PDZRN4: variants seen among roughly 807,000 people sequenced by gnomAD.
The protein encoded by PDZRN4 is PDZ domain containing ring finger 4.
A neutral mutation model predicts 99.0 loss-of-function variants in PDZRN4; 70 were observed. That is an observed-to-expected ratio of 0.71 (90% confidence interval 0.58 to 0.86). PDZRN4 has a LOEUF of 0.86. Ranked by LOEUF, PDZRN4 falls within the 40% of genes least tolerant of loss-of-function variation. The pLI is 0.00. For synonymous variants in PDZRN4, 551 were observed against 501.6 expected (o/e 1.10, Z -1.32); for missense variants, 1,474 against 1,331.2 (o/e 1.11, Z -1.67).
chr12:41,201,469 T>C (rs1051289971), intron 3 of PDZRN4, among the ~76,000 whole-genome samples: 16 of 152,224 alleles, frequency 1.1e-4, no homozygotes, highest in African/African-American at 3.8e-4. Context: ...AACAAATGTA[T>C]GGGTTTCTCA....
At chr12:41,372,584 AG>A (rs1952049680) in intron 3 of PDZRN4, among the ~76,000 whole-genome samples, 8 of 152,294 alleles carry the variant, frequency 5.3e-5, no homozygotes, top group Admixed American at 5.2e-4. Flanking sequence ...GGTATACCAG[AG>A]GTATAAACTT....
At chr12:41,438,098 T>C (rs1952646445) in intron 3 of PDZRN4, 6 of 1,521,470 alleles carry the variant, frequency 3.9e-6, no homozygotes, top group African/African-American at 2.7e-5. Context: ...GCTAGCTTTA[T>C]TTTTTCTTTC....
rs182124978 is a variant in PDZRN4 at position 41,379,126 on chromosome 12, G to A, written c.844-127330G>A. Among the ~76,000 whole-genome samples, 971 of 151,652 alleles carry A rather than the reference G, an allele frequency of 6.4e-3. 9 individuals are homozygous for A. The highest frequency in any genetic ancestry group is 0.03 in the South Asian group (145 of 4,804). ...TTCCAGGAATTTATTCATTTTTTAGGTTGTCTAATTTGTTGATATATGTTC... is the reference window on the plus strand; with the variant it reads ...TTCCAGGAATTTATTCATTTTTTAGATTGTCTAATTTGTTGATATATGTTC... On this transcript the variant is annotated intron_variant, in intron 3 of 9. Transcript: ENST00000402685.
chr12:41,219,380 T>C (rs1950939646), intron 3 of PDZRN4, among the ~76,000 whole-genome samples: 1 of 152,086 alleles, frequency 6.6e-6, no homozygotes, highest in African/African-American at 2.4e-5. Flanking sequence ...AAACTTCAGA[T>C]TATATTTACT....
rs368281810 is a variant in PDZRN4 at position 41,533,686 on chromosome 12, A to T, written c.1204-18970A>T. The stretch of plus-strand genomic sequence containing the variant: ...AAGCTTCTAATTACAGGTGTTTCCT[A>T]CGCATTTTTTGTATAGCTGGATTAT... On this transcript the variant is annotated intron_variant, in intron 5 of 9. Coordinates refer to ENST00000402685, the MANE Select transcript of PDZRN4 (RefSeq NM_001164595.2). 3.3e-5 allele frequency among the ~76,000 whole-genome samples: 5 copies of T among 152,258 alleles called. No individual in the cohort carries two copies. The South Asian group carries it at 1.0e-3, about 32-fold the overall frequency.
In PDZRN4 at chr12:41,573,543, C is replaced by T. The variant is rs764498525; in HGVS notation, c.2764C>T (p.Arg922Trp). 2.7e-5 allele frequency: 43 copies of T among 1,613,740 alleles called. No individual in the cohort carries two copies. Among genetic ancestry groups the T allele is most frequent in the African/African-American group, 4.0e-5 (3 of 74,834 alleles). Residue 922 changes from arginine to tryptophan, a missense_variant, in exon 10 of 10, where the codon CGG (arginine) becomes TGG (tryptophan). Coordinates refer to ENST00000402685, the MANE Select transcript of PDZRN4 (RefSeq NM_001164595.2). ...KERALKIKEE[R>W]SGMTTDDDTM... ...ACGTGCCTTAAAGATCAAGGAAGAG[C>T]GGAGTGGCATGACCACAGACGATGA...
rs75616462 is a variant in PDZRN4, at chr12:41,202,099, T to C, written c.843+7911T>C. ...ATTGATTGCAGAGGAACTAAAAAGA[T>C]GGAAGATATTTTCAATGTTTCCAAG... On this transcript the variant is annotated intron_variant, in intron 3 of 9. Coordinates refer to ENST00000402685, the MANE Select transcript of PDZRN4 (RefSeq NM_001164595.2). Among the ~76,000 whole-genome samples, 1,019 of 152,230 alleles carry C rather than the reference T, an allele frequency of 6.7e-3. 12 individuals are homozygous for C. Among genetic ancestry groups the C allele is most frequent in the Non-Finnish European group, 8.5e-3 (577 of 67,990 alleles).
At chr12:41,465,675 A>G (rs1425302502) in intron 3 of PDZRN4, among the ~76,000 whole-genome samples, 1 of 152,052 alleles carries the variant, frequency 6.6e-6, no homozygotes, top group Non-Finnish European at 1.5e-5. Context: ...GTCTTGTGTT[A>G]TATCTGGACA....
chr12:41,453,104 T>A (rs1335731582), intron 3 of PDZRN4, among the ~76,000 whole-genome samples: 2 of 152,176 alleles, frequency 1.3e-5, no homozygotes, highest in Non-Finnish European at 2.9e-5. Flanking sequence ...CATGCCATTA[T>A]CCCTGGAGGA....
At position 41,430,859 on chromosome 12, in the gene PDZRN4, T is replaced by C. The variant is rs192032265; in HGVS notation, c.844-75597T>C. ...AGTTGTGCAGGCTGTACAGGAAGCA[T>C]AGAGGCTTCTGCTTCTGTGGAGGCT... On this transcript the variant is annotated intron_variant, in intron 3 of 9. Coordinates refer to ENST00000402685, the MANE Select transcript of PDZRN4 (RefSeq NM_001164595.2). 7.9e-5 allele frequency among the ~76,000 whole-genome samples: 12 copies of C among 152,266 alleles called. No individual in the cohort carries two copies. The East Asian group carries it at 2.3e-3, about 29-fold the overall frequency.
At chr12:41,549,237 G>T (rs773486783) in intron 5 of PDZRN4, among the ~76,000 whole-genome samples, 2 of 152,158 alleles carry the variant, frequency 1.3e-5, no homozygotes, top group Non-Finnish European at 2.9e-5. Context: ...AGAGGGAAAG[G>T]TATGAAAGTT....
intron 5 of PDZRN4, among the ~76,000 whole-genome samples, chr12:41,520,046 T>G (rs1281297119): frequency 6.6e-6 from 1 of 152,104 alleles, no homozygotes; most frequent in Non-Finnish European, 1.5e-5. Flanking sequence ...GGTTTTTTGT[T>G]TTTGTTCTTG....
intron 3 of PDZRN4, among the ~76,000 whole-genome samples, chr12:41,260,001 C>T (rs1208250391): frequency 1.3e-5 from 2 of 152,066 alleles, no homozygotes; most frequent in African/African-American, 4.8e-5. Flanking sequence ...TTTTAGAATA[C>T]TGTTGGCAAA....
chr12:41,411,386 C>T (rs1183268018), intron 3 of PDZRN4: 1 of 152,140 alleles, frequency 6.6e-6, no homozygotes, highest in Non-Finnish European at 1.5e-5. Context: ...CCATGTGCCA[C>T]CTTAGAGACA....
intron 3 of PDZRN4, among the ~76,000 whole-genome samples, chr12:41,396,135 G>A (rs1270602509): frequency 1.3e-5 from 2 of 152,004 alleles, no homozygotes; most frequent in African/African-American, 4.8e-5. Context: ...CCTTAATTAG[G>A]TCATCACATT....
chr12:41,205,463 C>G (rs566720215), intron 3 of PDZRN4, among the ~76,000 whole-genome samples: 11 of 151,990 alleles, frequency 7.2e-5, no homozygotes, highest in African/African-American at 2.4e-4. Flanking sequence ...CTCCTTTGTC[C>G]ACCCTCCCCT....
At chr12:41,285,928 C>G (rs1460187373) in intron 3 of PDZRN4, among the ~76,000 whole-genome samples, 1 of 151,932 alleles carries the variant, frequency 6.6e-6, no homozygotes, top group East Asian at 1.9e-4. Flanking sequence ...TGCAGCAAAC[C>G]ACCATGGCAC....
intron 3 of PDZRN4, among the ~76,000 whole-genome samples, chr12:41,333,980 C>G (rs775123586): frequency 6.6e-5 from 10 of 152,082 alleles, no homozygotes; most frequent in Non-Finnish European, 1.5e-4. Context: ...CAAAATTTTC[C>G]TCTCTTTCTA....
intron 3 of PDZRN4, among the ~76,000 whole-genome samples, chr12:41,366,520 A>C (rs1178987023): frequency 6.6e-6 from 1 of 152,144 alleles, no homozygotes; most frequent in Admixed American, 6.5e-5. Flanking sequence ...TGAACAAATG[A>C]CACATTTACC....
Sources: gnomAD v4.1 joint callset for allele counts (sites outside exome capture counted in the v4.1 genomes callset) on GRCh38, gnomAD v4.1.1 for gene constraint, MANE v1.5 for transcripts, NCBI Gene and HGNC (gene_info 2026-07-23, HGNC 2026-07-21) for gene names.